The following STARD9 variants were observed in gnomAD, a reference collection of about 807,000 sequenced individuals.
STARD9 encodes the protein StAR related lipid transfer domain containing 9.
Under a neutral mutation model 399.8 loss-of-function variants are expected in STARD9, and 346 were observed. The observed-to-expected ratio is 0.87, with a 90% CI of 0.79 to 0.95. STARD9 has a LOEUF of 0.95. STARD9 is among the 40% of genes least tolerant of loss of function. The pLI is 0.00. For synonymous variants in STARD9, 2,203 were observed against 2,143.5 expected (o/e 1.03, Z -0.77); for missense variants, 5,832 against 5,667.5 (o/e 1.03, Z -0.93).
At chr15:42,672,365 G>T (rs1022843128) in intron 16 of STARD9, 1 of 152,354 alleles carries the variant, frequency 6.6e-6, no homozygotes, top group South Asian at 2.1e-4. Context: ...TAAAGAGGCA[G>T]GGTGGGCAGT....
chr15:42,680,660 A>G (rs891611190), intron 20 of STARD9, among the ~76,000 whole-genome samples: 3 of 152,162 alleles, frequency 2.0e-5, no homozygotes, highest in African/African-American at 7.2e-5. Flanking sequence ...TTCAAATACA[A>G]CACAAATTAT....
chr15:42,575,860 C>T (rs1436097186), intron 1 of STARD9, 98 bp downstream of exon 1: 2 of 1,367,062 alleles, frequency 1.5e-6, no homozygotes, highest in Admixed American at 4.0e-5. Flanking sequence ...GCGCAGAAAT[C>T]GGTGACAAAG....
Position 42,686,848 on chromosome 15 carries a change from C to G in STARD9, c.5270C>G (p.Thr1757Arg), listed in dbSNP as rs1300258933. ...GTGACCAAAAGCAGGGATGCCCTGA[C>G]AGAAACTGCCTTAGAGATTCCAGCT... ...FYVTKSRDAL[T>R]ETALEIPACR... The change falls in exon 23 of 33, where the codon ACA (threonine) becomes AGA (arginine). Residue 1757 changes from threonine to arginine, a missense_variant. Thr to Arg is a moderately conservative substitution (Grantham distance 71, BLOSUM62 -1). Around this residue, in one of 2 missense-constraint regions of STARD9, gnomAD observed 5,828 missense variants for 5,651.1 expected, o/e 1.03. Transcript: ENST00000290607. 1 of 1,537,004 alleles carries G rather than the reference C, an allele frequency of 6.5e-7. No individual in the cohort carries two copies. The highest frequency in any genetic ancestry group is 8.7e-7 in the Non-Finnish European group (1 of 1,146,920).
At chr15:42,583,544 G>T in intron 2 of STARD9, 129 bp downstream of exon 2, 1 of 608,804 alleles carries the variant, frequency 1.6e-6, no homozygotes, top group Non-Finnish European at 2.8e-6. Flanking sequence ...AGAGGAATAG[G>T]GGGAGGAGCT....
At chr15:42,673,830 C>T (rs1188754096) in intron 16 of STARD9, 2 of 440,350 alleles carry the variant, frequency 4.5e-6, no homozygotes, top group Non-Finnish European at 9.1e-6. Flanking sequence ...TTCATTTGTA[C>T]TAACTCCAGT....
chr15:42,626,650 G>T (rs570005175), intron 3 of STARD9, among the ~76,000 whole-genome samples: 5 of 150,998 alleles, frequency 3.3e-5, no homozygotes, highest in South Asian at 2.1e-4. Context: ...ACAGGCATGC[G>T]CCACCACGCT....
chr15:42,633,460 A>G (rs2059367402), intron 3 of STARD9, among the ~76,000 whole-genome samples: 2 of 152,110 alleles, frequency 1.3e-5, no homozygotes, highest in African/African-American at 4.8e-5. Context: ...ATATCACAGA[A>G]TCATCTGATT....
chr15:42,681,056 A>ATT (rs1419737408), intron 20 of STARD9, among the ~76,000 whole-genome samples: 1 of 152,180 alleles, frequency 6.6e-6, no homozygotes, highest in Non-Finnish European at 1.5e-5. Context: ...TTTCCAACAT[A>ATT]TTTTTAGCAG....
At chr15:42,620,083 G>A (rs914797794) in intron 3 of STARD9, among the ~76,000 whole-genome samples, 10 of 152,126 alleles carry the variant, frequency 6.6e-5, no homozygotes, top group Admixed American at 5.2e-4. Flanking sequence ...TTTGGGCCCA[G>A]CAGTGGTGAA....
At chr15:42,625,995 CA>C (rs1445106986) in intron 3 of STARD9, among the ~76,000 whole-genome samples, 2 of 152,140 alleles carry the variant, frequency 1.3e-5, no homozygotes, top group African/African-American at 2.4e-5. Context: ...GATATCGGCT[CA>C]CTGCAGCCTC....
intron 14 of STARD9, 114 bp downstream of exon 14, chr15:42,665,444 T>TA (rs1172218228): frequency 3.6e-6 from 3 of 825,644 alleles, no homozygotes; most frequent in Admixed American, 4.8e-5. Flanking sequence ...TTGACTCTCT[T>TA]ACGGCAGAGA....
intron 2 of STARD9, among the ~76,000 whole-genome samples, chr15:42,584,090 G>A (rs1316238394): frequency 6.6e-6 from 1 of 151,856 alleles, no homozygotes; most frequent in African/African-American, 2.4e-5. Flanking sequence ...TTCTTTCTGG[G>A]CCTTGGGGAG....
chr15:42,612,339 T>C (rs1168889921), intron 3 of STARD9, among the ~76,000 whole-genome samples: 1 of 152,078 alleles, frequency 6.6e-6, no homozygotes, highest in Non-Finnish European at 1.5e-5. Context: ...AGAACATGAG[T>C]CTTAGGCTCA....
At chr15:42,638,653 C>G (rs887476772) in intron 6 of STARD9, 47 bp from the exon 7 acceptor site, 1 of 1,366,460 alleles carries the variant, frequency 7.3e-7, no homozygotes, top group African/African-American at 1.5e-5. Context: ...GTTGTTTCTA[C>G]TTTTTTTCAA....
intron 3 of STARD9, among the ~76,000 whole-genome samples, chr15:42,613,868 G>C (rs985345638): frequency 6.6e-6 from 1 of 152,202 alleles, no homozygotes; most frequent in Middle Eastern, 3.4e-3. Flanking sequence ...GGGAGGTTGA[G>C]GGAGGAGGAT....
chr15:42,690,996 G>A lies in STARD9; in HGVS notation c.9418G>A (p.Gly3140Arg). The A allele has an allele frequency of 6.5e-7, 1 of 1,537,198 alleles. No individual in the cohort carries two copies. The highest frequency in any genetic ancestry group is 1.2e-5 in the South Asian group (1 of 84,054). Residue 3140 changes from glycine (G) to arginine (R), a missense_variant, in exon 23 of 33, where the codon GGA (glycine) becomes AGA (arginine). This residue lies in a region of STARD9 where 5,828 missense variants were observed against 5,651.1 expected (regional missense o/e 1.03). Transcript: ENST00000290607. ...TCCAGAACCACCTGCAACAACTCAG[G>A]GACCACACACCCTGGATTTAAGTGA... ...TNPEPPATTQ[G>R]PHTLDLSEGS...
chr15:42,624,066 G>A (rs367826709), intron 3 of STARD9, among the ~76,000 whole-genome samples: 65 of 152,332 alleles, frequency 4.3e-4, no homozygotes, highest in African/African-American at 1.5e-3. Context: ...TGACATTTAT[G>A]AAGTGTGGAC....
rs111681361 is a variant in STARD9 at position 42,718,688 on chromosome 15, C to T, written c.13843-64C>T. The T allele has an allele frequency of 1.6e-4, 243 of 1,506,842 alleles. No individual in the cohort carries two copies. The African/African-American group carries it at 2.6e-3, about 16-fold the overall frequency. 93.3% of individuals were successfully genotyped at this position (1,506,842 alleles called of 1,614,324 possible). On this transcript the variant is annotated intron_variant, in intron 31 of 32. Transcript: ENST00000290607. ...GTTGCCTTTCACCATACTGTCTACA[C>T]GGGAGCCTGTTCCTGTTTTGTCCAC...
intron 20 of STARD9, 114 bp downstream of exon 20, chr15:42,676,089 A>G (rs1202268532): frequency 3.6e-6 from 3 of 830,022 alleles, no homozygotes; most frequent in Non-Finnish European, 1.9e-6. Flanking sequence ...CAAGGTCTGA[A>G]TGAGCCCTTG....
Sources: gnomAD v4.1 joint callset for allele counts (sites outside exome capture counted in the v4.1 genomes callset) on GRCh38, gnomAD v4.1.1 for gene constraint, gnomAD v4.1.1 regional missense constraint, MANE v1.5 for transcripts, NCBI Gene and HGNC (gene_info 2026-07-23, HGNC 2026-07-21) for gene names.